PACSIN2: variants seen among roughly 807,000 people sequenced by gnomAD.
PACSIN2 encodes the protein protein kinase C and casein kinase substrate in neurons 2, also known as protein kinase C and casein kinase substrate in neurons protein 2.
Under a neutral mutation model 63.8 loss-of-function variants are expected in PACSIN2, and 25 were observed. That is an observed-to-expected ratio of 0.39 (90% CI 0.29 to 0.55). PACSIN2 has a LOEUF of 0.55. Among genes scored for constraint, PACSIN2 ranks in the 20% least tolerant of loss-of-function variants. The pLI, the probability that PACSIN2 is intolerant of heterozygous loss-of-function variation, is 0.62. For missense variants in PACSIN2, 518 were observed against 646.9 expected, an observed-to-expected ratio of 0.80 and a Z score of 2.16; for synonymous variants, 255 against 256.2, an observed-to-expected ratio of 1.00 and a Z score of 0.05.
chr22:42,905,465 C>T lies in PACSIN2; in HGVS notation c.60+6556G>A, dbSNP rs78621828. 5.8e-3 allele frequency among the ~76,000 whole-genome samples: 877 copies of T among 152,330 alleles called. 10 individuals are homozygous for T. The highest frequency in any genetic ancestry group is 0.02 in the African/African-American group (833 of 41,574). ...TGGGTGTCAACAGGCTCATTGGTGCCGCTGGCCCAGTGCCCAACTACCAGC... is the reference window on the plus strand; with the variant it reads ...TGGGTGTCAACAGGCTCATTGGTGCTGCTGGCCCAGTGCCCAACTACCAGC... On this transcript the variant is annotated intron_variant, in intron 2 of 10. Transcript: ENST00000263246.
intron 1 of PACSIN2, among the ~76,000 whole-genome samples, chr22:42,981,426 A>C (rs2146885101): frequency 1.0e-5 from 1 of 98,716 alleles, no homozygotes; most frequent in Non-Finnish European, 2.0e-5. Flanking sequence ...GGCCGCCCCT[A>C]CTGGGAAGTG....
chr22:42,970,145 T>C (rs1288655038), intron 1 of PACSIN2, among the ~76,000 whole-genome samples: 2 of 152,158 alleles, frequency 1.3e-5, no homozygotes, highest in African/African-American at 4.8e-5. Context: ...GGTCCTGGCC[T>C]GAAGGGATCA....
chr22:42,883,733 C>A (rs183173519), intron 6 of PACSIN2, among the ~76,000 whole-genome samples: 3 of 152,206 alleles, frequency 2.0e-5, no homozygotes, highest in Non-Finnish European at 4.4e-5. Flanking sequence ...CGGCCAGGTG[C>A]GGTGGCTCAC....
intron 1 of PACSIN2, among the ~76,000 whole-genome samples, chr22:42,982,909 C>T (rs1052308620): frequency 5.8e-5 from 7 of 121,734 alleles, no homozygotes; most frequent in Non-Finnish European, 1.2e-4. Context: ...AGGCTAGGAG[C>T]AGTGGCTCAC....
At chr22:42,874,913 C>T (rs1488443066) in intron 10 of PACSIN2, among the ~76,000 whole-genome samples, 1 of 147,652 alleles carries the variant, frequency 6.8e-6, no homozygotes, top group Admixed American at 7.0e-5. Flanking sequence ...TGCAGTGGCG[C>T]AATCTCGGCT....
chr22:42,898,943 G>A (rs1930482305), intron 2 of PACSIN2, among the ~76,000 whole-genome samples: 1 of 152,146 alleles, frequency 6.6e-6, no homozygotes, highest in Non-Finnish European at 1.5e-5. Context: ...GTGCTGGGGG[G>A]ACTATCCAAA....
At position 42,877,058 on chromosome 22, in the gene PACSIN2, G is replaced by A. The variant is rs752866852; in HGVS notation, c.1029-48C>T. The A allele has an allele frequency of 1.4e-5, 23 of 1,605,434 alleles. No individual in the cohort carries two copies. The African/African-American group carries it at 2.3e-4, about 16-fold the overall frequency. On this transcript the variant is annotated intron_variant, in intron 8 of 10. Transcript: ENST00000263246. ...GGGGATCCCAGCTCTGCAGGGGCCC[G>A]TGAGGGTCCTGGCAACTCCTAGCTG...
intron 1 of PACSIN2, among the ~76,000 whole-genome samples, chr22:42,965,338 G>T (rs1397807971): frequency 1.3e-5 from 2 of 152,212 alleles, no homozygotes; most frequent in African/African-American, 4.8e-5. Context: ...ATTCTGTCTT[G>T]ACTGAGTCAT....
In PACSIN2 at chr22:42,982,873, A is replaced by AAAAAAACAAAAC. The variant is rs1362015901; in HGVS notation, c.-78+32147_-78+32148insGTTTTGTTTTTT. On this transcript the variant is annotated intron_variant, in intron 1 of 10. Coordinates refer to ENST00000263246, the MANE Select transcript of PACSIN2 (RefSeq NM_001184970.3). ...GAAACACCAAAGAATGATCAATAAA[A>AAAAAAACAAAAC]AAAAAAAAAAAAAAAAACAACAACA... Among the ~76,000 whole-genome samples the AAAAAAACAAAAC allele has an allele frequency of 1.3e-4, 17 of 127,440 alleles. 1 individual carries two copies. Among genetic ancestry groups the AAAAAAACAAAAC allele is most frequent in the African/African-American group, 4.8e-4 (16 of 33,070 alleles). 83.6% of individuals were successfully genotyped at this position (127,440 alleles called of 152,430 possible).
intron 2 of PACSIN2, among the ~76,000 whole-genome samples, chr22:42,895,614 C>T (rs531104459): frequency 2.8e-4 from 42 of 152,376 alleles, no homozygotes; most frequent in African/African-American, 9.9e-4. Context: ...TGCAAATACA[C>T]ATTTACATGA....
At chr22:42,897,948 T>G in intron 2 of PACSIN2, among the ~76,000 whole-genome samples, 1 of 149,896 alleles carries the variant, frequency 6.7e-6, no homozygotes, top group African/African-American at 2.5e-5. Flanking sequence ...AGGGAGCAAA[T>G]GGCAATGAGG....
intron 1 of PACSIN2, among the ~76,000 whole-genome samples, chr22:42,987,896 T>G (rs1922748284): frequency 6.6e-6 from 1 of 152,050 alleles, no homozygotes; most frequent in Non-Finnish European, 1.5e-5. Flanking sequence ...ATCCCAGCAC[T>G]TTGGGAGGCT....
intron 9 of PACSIN2, 96 bp downstream of exon 9, chr22:42,876,792 A>G (rs1429228674): frequency 5.3e-6 from 8 of 1,520,666 alleles, no homozygotes; most frequent in South Asian, 2.4e-5. Context: ...AGCTCCGTGC[A>G]TTGCCGAGTG....
rs1046880084 is a variant in PACSIN2 at position 42,871,740 on chromosome 22, C to T, written c.1349-271G>A. Reference sequence around the variant, plus strand: ...GCCACAGTGGCTCCCACTGAGACTGCGGCATCCAGCTCCATAGGGCTGTGC... The same window carrying T: ...GCCACAGTGGCTCCCACTGAGACTGTGGCATCCAGCTCCATAGGGCTGTGC... On this transcript the variant is annotated intron_variant, in intron 10 of 10. Transcript: ENST00000263246. This position sits in a 1 kb window ranked among gnomAD's most constrained non-coding sequence, Gnocchi z 5.4. Among the ~76,000 whole-genome samples the T allele has an allele frequency of 4.6e-5, 7 of 152,204 alleles. No individual in the cohort carries two copies. The highest frequency in any genetic ancestry group is 9.6e-5 in the African/African-American group (4 of 41,456).
At chr22:42,961,199 T>A (rs1054074060) in intron 1 of PACSIN2, among the ~76,000 whole-genome samples, 5 of 152,238 alleles carry the variant, frequency 3.3e-5, no homozygotes, top group Admixed American at 2.6e-4. Context: ...TTCTTGCTAC[T>A]CATATTCATT....
chr22:42,871,616 T>A lies in PACSIN2; in HGVS notation c.1349-147A>T. On this transcript the variant is annotated intron_variant, in intron 10 of 10. Coordinates refer to ENST00000263246, the MANE Select transcript of PACSIN2 (RefSeq NM_001184970.3). This position sits in a 1 kb window ranked among gnomAD's most constrained non-coding sequence, Gnocchi z 5.4. ...GCCGAGGGCCTGGTCATTTCTCTAC[T>A]AAATGCATGCATTTTAAGTTGCCTC... 1.5e-6 allele frequency: 1 copy of A among 664,150 alleles called. No individual in the cohort carries two copies. The allele number at this position is 664,150 out of a possible 1,614,324, so 41.1% of individuals were successfully genotyped here.
In PACSIN2 at chr22:42,911,518, A is replaced by G. The variant is rs141671248; in HGVS notation, c.60+503T>C. ...TCCACAAAAAAACAAAAATAATCCA[A>G]TCAGGAAGAGGGCCACTCATGGGTA... On this transcript the variant is annotated intron_variant, in intron 2 of 10. Transcript: ENST00000263246. Among the ~76,000 whole-genome samples the G allele has an allele frequency of 5.7e-3, 861 of 152,260 alleles. 4 individuals carry two copies. The highest frequency in any genetic ancestry group is 0.018 in the African/African-American group (762 of 41,564).
In PACSIN2 at chr22:42,947,620, A is replaced by G. The variant is rs1312049797; in HGVS notation, c.-77-35463T>C. ...AAGAACACGCTAGCCTGGATGCACA[A>G]ATCTAGAAGGTCTCTGAAATCTGCA... On this transcript the variant is annotated intron_variant, in intron 1 of 10. Coordinates refer to ENST00000263246, the MANE Select transcript of PACSIN2 (RefSeq NM_001184970.3). Among the ~76,000 whole-genome samples the G allele has an allele frequency of 2.1e-5, 3 of 144,388 alleles. No individual in the cohort carries two copies. The South Asian group carries it at 6.9e-4, about 33-fold the overall frequency. The allele number at this position is 144,388 out of a possible 152,430, so 94.7% of individuals were successfully genotyped here. A position where few individuals can be genotyped will look rare whatever the true frequency, so the allele number is the denominator to read the frequency against.
intron 1 of PACSIN2, among the ~76,000 whole-genome samples, chr22:42,923,230 C>T (rs1333104993): frequency 6.6e-6 from 1 of 152,168 alleles, no homozygotes; most frequent in African/African-American, 2.4e-5. Flanking sequence ...TGTTGCATGT[C>T]TTCTCAATGC....
Sources: gnomAD v4.1 joint callset for allele counts (sites outside exome capture counted in the v4.1 genomes callset) on GRCh38, gnomAD v4.1.1 for gene constraint, Gnocchi (gnomAD v3.1) non-coding constraint, MANE v1.5 for transcripts, NCBI Gene and HGNC (gene_info 2026-07-23, HGNC 2026-07-21) for gene names.